Variants in MRPS27 observed in about 807,000 individuals in gnomAD.
MRPS27 encodes small ribosomal subunit protein mS27.
In MRPS27, 43 loss-of-function variants were observed where a neutral mutation model predicts 48.9. That is an observed-to-expected ratio of 0.88 (90% confidence interval 0.69 to 1.13). The LOEUF (loss-of-function observed/expected upper bound fraction) is 1.13. MRPS27 is among the 50% of genes most tolerant of loss of function. MRPS27 has a pLI of 0.00. For missense variants in MRPS27, 467 were observed against 476.3 expected (o/e 0.98, Z 0.18); for synonymous variants, 188 against 171.9 (o/e 1.09, Z -0.73).
chr5:72,299,239 A>G (rs1042043629), intron 2 of MRPS27, among the ~76,000 whole-genome samples: 2 of 152,052 alleles, frequency 1.3e-5, no homozygotes, highest in African/African-American at 4.8e-5. Context: ...ACAAACCTGC[A>G]CATGTACTCC....
chr5:72,248,118 T>C (rs1428346351), intron 4 of MRPS27, among the ~76,000 whole-genome samples: 13 of 152,208 alleles, frequency 8.5e-5, no homozygotes, highest in Admixed American at 8.5e-4. Context: ...CTATAATACA[T>C]TTAATAGGCA....
chr5:72,318,374 T>C (rs1041334851), intron 1 of MRPS27, among the ~76,000 whole-genome samples: 2 of 152,266 alleles, frequency 1.3e-5, no homozygotes, highest in African/African-American at 2.4e-5. Context: ...TCTCTATTTA[T>C]TATCTGTTAT....
rs1318105730 is a variant in MRPS27, at chr5:72,277,518, C to T, written c.281+18013G>A. On this transcript the variant is annotated intron_variant, in intron 4 of 10. Transcript: ENST00000261413. ...ACTTGGGAGGCTGAGGCAGGAGAAT[C>T]GCTTGAACCAGGGAGTCGGAGGTTG... 4.6e-5 allele frequency among the ~76,000 whole-genome samples: 7 copies of T among 151,806 alleles called. No individual in the cohort carries two copies. The South Asian group carries it at 1.0e-3, about 23-fold the overall frequency.
chr5:72,221,056 G>A lies in MRPS27; in HGVS notation c.1098C>T (p.Thr366=). ...TTQLVKEKLS[T]CEAEDIATYE... ...AGGTGGCGATGTCCTCTGCTTCACAGGTGGAGAGTTTTTCCTTGACAAGCT... is the reference window on the plus strand; with the variant it reads ...AGGTGGCGATGTCCTCTGCTTCACAAGTGGAGAGTTTTTCCTTGACAAGCT... The change falls in exon 11 of 11, where the codon ACC becomes ACT. Residue 366 remains threonine (T), a synonymous_variant. Transcript: ENST00000261413. The A allele has an allele frequency of 1.2e-6, 2 of 1,614,192 alleles. No homozygotes were observed. Among genetic ancestry groups the A allele is most frequent in the Non-Finnish European group, 1.7e-6 (2 of 1,180,022 alleles).
chr5:72,254,972 G>T (rs1748758790), intron 4 of MRPS27, among the ~76,000 whole-genome samples: 1 of 147,366 alleles, frequency 6.8e-6, no homozygotes, highest in African/African-American at 2.5e-5. Context: ...GCAGAATTTA[G>T]TAGCTCTATA....
At chr5:72,233,042 C>A (rs1748104662) in intron 6 of MRPS27, among the ~76,000 whole-genome samples, 1 of 152,076 alleles carries the variant, frequency 6.6e-6, no homozygotes, top group South Asian at 2.1e-4. Context: ...GGTCTGACTG[C>A]CCTATTCTCT....
chr5:72,234,417 A>T (rs1225992782), intron 5 of MRPS27, among the ~76,000 whole-genome samples: 1 of 152,090 alleles, frequency 6.6e-6, no homozygotes, highest in Admixed American at 6.6e-5. Context: ...AGTCTGATAT[A>T]AGACAACTGA....
intron 4 of MRPS27, among the ~76,000 whole-genome samples, chr5:72,282,935 C>T (rs1283504950): frequency 6.6e-6 from 1 of 152,158 alleles, no homozygotes; most frequent in African/African-American, 2.4e-5. Context: ...GTTAAGGCGG[C>T]TGGAACTTCA....
Position 72,274,443 on chromosome 5 carries a change from C to T in MRPS27, c.281+21088G>A, listed in dbSNP as rs189429178. On this transcript the variant is annotated intron_variant, in intron 4 of 10. Transcript: ENST00000261413. ...GGGTCAGGATCACTGTCTTCCACCT[C>T]CACATCTTGTGTCACTGAAAGTTTA... 1.3e-3 allele frequency among the ~76,000 whole-genome samples: 191 copies of T among 152,316 alleles called. 1 individual carries two copies. The highest frequency in any genetic ancestry group is 4.1e-3 in the African/African-American group (172 of 41,562).
intron 1 of MRPS27, among the ~76,000 whole-genome samples, chr5:72,319,658 C>G (rs1288480207): frequency 6.6e-6 from 1 of 151,154 alleles, no homozygotes; most frequent in African/African-American, 2.4e-5. Context: ...ATTATCCTGC[C>G]TCAGCCCCCC....
At chr5:72,265,919 A>T (rs1051633306) in intron 4 of MRPS27, among the ~76,000 whole-genome samples, 1 of 152,246 alleles carries the variant, frequency 6.6e-6, no homozygotes. Flanking sequence ...ATGAATGATT[A>T]GTTCACTAAA....
chr5:72,272,021 T>TAAAC (rs549069349), intron 4 of MRPS27, among the ~76,000 whole-genome samples: 3,491 of 151,652 alleles, frequency 0.023, 121 homozygotes, highest in African/African-American at 0.074. Context: ...TTTTCCCCTC[T>TAAAC]AAACAAACAA....
intron 10 of MRPS27, among the ~76,000 whole-genome samples, chr5:72,221,877 G>C (rs1014341795): frequency 7.1e-6 from 1 of 139,966 alleles, no homozygotes; most frequent in Non-Finnish European, 1.7e-5. Context: ...CCTTGGTTTG[G>C]TTGGTGTTGT....
At chr5:72,233,941 A>C (rs533306355) in intron 6 of MRPS27, among the ~76,000 whole-genome samples, 178 bp downstream of exon 6, 5 of 152,248 alleles carry the variant, frequency 3.3e-5, no homozygotes, top group Middle Eastern at 3.4e-3. Context: ...TTCTATCTTA[A>C]AATAAAAATA....
intron 4 of MRPS27, among the ~76,000 whole-genome samples, chr5:72,277,710 T>C (rs111940487): frequency 0.016 from 2,410 of 152,136 alleles, 36 homozygotes; most frequent in Non-Finnish European, 0.026. Context: ...CAATGATATA[T>C]TGGATAAAGA....
chr5:72,241,315 C>T (rs1748344668), intron 4 of MRPS27: 1 of 314,578 alleles, frequency 3.2e-6, no homozygotes, highest in South Asian at 5.2e-5. Flanking sequence ...AATGAACTCT[C>T]ACAAAAAATA....
At chr5:72,283,744 C>A (rs964750192) in intron 4 of MRPS27, among the ~76,000 whole-genome samples, 1 of 151,800 alleles carries the variant, frequency 6.6e-6, no homozygotes, top group African/African-American at 2.4e-5. Flanking sequence ...AAAAAAAAGG[C>A]AAAAGAAAAA....
chr5:72,307,923 G>A (rs530517538), intron 2 of MRPS27: 127 of 152,380 alleles, frequency 8.3e-4, no homozygotes, highest in Middle Eastern at 6.8e-3. Context: ...AAGATCCTAT[G>A]GTAGAATCTC....
intron 4 of MRPS27, among the ~76,000 whole-genome samples, chr5:72,287,537 G>T (rs1270735457): frequency 6.6e-6 from 1 of 152,216 alleles, no homozygotes; most frequent in Non-Finnish European, 1.5e-5. Context: ...TACTTGGGAG[G>T]CTGAGGCAGG....
Sources: allele counts gnomAD v4.1 joint callset (sites outside exome capture counted in the v4.1 genomes callset), GRCh38; gene constraint gnomAD v4.1.1; transcripts MANE v1.5; gene names NCBI Gene and HGNC (gene_info 2026-07-23, HGNC 2026-07-21).